Variants in ZNF804A observed in about 807,000 individuals in gnomAD.
ZNF804A encodes zinc finger protein 804A.
ZNF804A carries 2 observed loss-of-function variants against 16.5 expected under a neutral mutation model. The ratio of observed to expected loss-of-function variants is 0.12; its 90% CI spans 0.05 to 0.38. The LOEUF (loss-of-function observed/expected upper bound fraction) is 0.38, where lower values mean the gene tolerates loss of function less well. Among genes scored for constraint, ZNF804A ranks in the 10% least tolerant of loss-of-function variants. ZNF804A has a pLI of 0.99. For synonymous variants in ZNF804A, 534 were observed against 489.6 expected, an observed-to-expected ratio of 1.09 and a Z score of -1.20; for missense variants, 1,473 against 1,390.7, an observed-to-expected ratio of 1.06 and a Z score of -0.94.
chr2:184,631,447 T>C (rs1297190954), intron 1 of ZNF804A, among the ~76,000 whole-genome samples: 3 of 152,150 alleles, frequency 2.0e-5, no homozygotes, highest in Admixed American at 6.6e-5. Context: ...TTCTAGGTGA[T>C]AATACTAAAA....
intron 1 of ZNF804A, among the ~76,000 whole-genome samples, chr2:184,828,141 A>G (rs1472883263): frequency 6.6e-6 from 1 of 151,822 alleles, no homozygotes; most frequent in African/African-American, 2.4e-5. Flanking sequence ...ATTTTATACA[A>G]TATTTTATTT....
At chr2:184,743,350 T>C (rs1425019038) in intron 1 of ZNF804A, among the ~76,000 whole-genome samples, 2 of 152,078 alleles carry the variant, frequency 1.3e-5, no homozygotes, top group African/African-American at 4.8e-5. Context: ...TTGTTTCTAA[T>C]AGCAATGGTA....
At chr2:184,624,066 A>G (rs1488750497) in intron 1 of ZNF804A, among the ~76,000 whole-genome samples, 1 of 152,188 alleles carries the variant, frequency 6.6e-6, no homozygotes, top group Admixed American at 6.5e-5. Context: ...AGAATTCCTC[A>G]TAATTGATTG....
At chr2:184,812,969 G>C (rs1694923811) in intron 1 of ZNF804A, among the ~76,000 whole-genome samples, 1 of 152,048 alleles carries the variant, frequency 6.6e-6, no homozygotes, top group Non-Finnish European at 1.5e-5. Flanking sequence ...CTCATTAGTA[G>C]TGCATAACAC....
intron 1 of ZNF804A, among the ~76,000 whole-genome samples, chr2:184,840,778 A>C (rs1274023599): frequency 6.6e-6 from 1 of 152,112 alleles, no homozygotes; most frequent in Non-Finnish European, 1.5e-5. Flanking sequence ...ATTAAATTAA[A>C]TTGTTTAATA....
chr2:184,760,228 A>T (rs1193744470), intron 1 of ZNF804A, among the ~76,000 whole-genome samples: 1 of 152,164 alleles, frequency 6.6e-6, no homozygotes, highest in African/African-American at 2.4e-5. Flanking sequence ...ATTATGCCTT[A>T]TGCAAAATTG....
chr2:184,608,722 G>A (rs1164794314), intron 1 of ZNF804A, among the ~76,000 whole-genome samples: 1 of 152,126 alleles, frequency 6.6e-6, no homozygotes, highest in Non-Finnish European at 1.5e-5. Flanking sequence ...ACCATGAGAT[G>A]GATGATTGCA....
chr2:184,747,467 T>C (rs1031072666), intron 1 of ZNF804A, among the ~76,000 whole-genome samples: 1 of 151,126 alleles, frequency 6.6e-6, no homozygotes, highest in African/African-American at 2.4e-5. Flanking sequence ...TACAATGTTA[T>C]GTTTAGAGTA....
intron 2 of ZNF804A, among the ~76,000 whole-genome samples, chr2:184,926,699 C>T (rs1323623222): frequency 6.6e-6 from 1 of 151,996 alleles, no homozygotes; most frequent in South Asian, 2.1e-4. Flanking sequence ...TGTTTTTTAA[C>T]CTTTTGCTTT....
chr2:184,782,907 A>C (rs2105774627), intron 1 of ZNF804A, among the ~76,000 whole-genome samples: 1 of 150,620 alleles, frequency 6.6e-6, no homozygotes, highest in African/African-American at 2.4e-5. Context: ...TAAGATAACT[A>C]TTCCAGGAGA....
At chr2:184,636,336 GAA>G (rs756371088) in intron 1 of ZNF804A, among the ~76,000 whole-genome samples, 21 of 144,130 alleles carry the variant, frequency 1.5e-4, no homozygotes, top group Middle Eastern at 3.4e-3. Flanking sequence ...GAGAGAGAGA[GAA>G]AGAGAGAGAG....
intron 1 of ZNF804A, among the ~76,000 whole-genome samples, chr2:184,830,040 A>G (rs1294210807): frequency 1.3e-5 from 2 of 151,246 alleles, no homozygotes; most frequent in Non-Finnish European, 3.0e-5. Flanking sequence ...CCAGAAGGTC[A>G]AGGCTACATC....
chr2:184,884,076 A>T (rs888538975), intron 2 of ZNF804A, among the ~76,000 whole-genome samples: 3 of 152,132 alleles, frequency 2.0e-5, no homozygotes, highest in African/African-American at 7.2e-5. Flanking sequence ...TCTGCCCCAA[A>T]GCTCCTAGAT....
At chr2:184,710,002 T>C (rs185278146) in intron 1 of ZNF804A, among the ~76,000 whole-genome samples, 32 of 151,348 alleles carry the variant, frequency 2.1e-4, no homozygotes, top group African/African-American at 7.5e-4. Context: ...TTTGTGGGCT[T>C]CACACCAGGA....
At chr2:184,612,903 A>G (rs1256250252) in intron 1 of ZNF804A, among the ~76,000 whole-genome samples, 1 of 152,222 alleles carries the variant, frequency 6.6e-6, no homozygotes, top group Non-Finnish European at 1.5e-5. Flanking sequence ...TAAGTAAATA[A>G]TAATAATAAA....
rs537585884 is a variant in ZNF804A, at chr2:184,604,414, C to T, written c.111+5344C>T. 5.9e-5 allele frequency among the ~76,000 whole-genome samples: 9 copies of T among 151,892 alleles called. No homozygotes were observed. The South Asian group carries it at 1.7e-3, about 28-fold the overall frequency. On this transcript the variant is annotated intron_variant, in intron 1 of 3. Coordinates refer to ENST00000302277, the MANE Select transcript of ZNF804A (RefSeq NM_194250.2). ...GGTCTCGATCTCCTGACCTCATGATCCGCCAGCCTCAGCCTCCCAAATTGC... is the reference window on the plus strand; with the variant it reads ...GGTCTCGATCTCCTGACCTCATGATTCGCCAGCCTCAGCCTCCCAAATTGC...
At chr2:184,692,544 G>A (rs1038197) in intron 1 of ZNF804A, among the ~76,000 whole-genome samples, 42,229 of 152,046 alleles carry the variant, frequency 0.28, 7,053 homozygotes, top group African/African-American at 0.47. Context: ...ATTTGACTCT[G>A]GTTTTGTGGC....
chr2:184,879,953 C>G (rs1045013970), intron 2 of ZNF804A, among the ~76,000 whole-genome samples: 3 of 152,054 alleles, frequency 2.0e-5, no homozygotes, highest in Non-Finnish European at 2.9e-5. Flanking sequence ...TTGGTTTAAG[C>G]GATTTTTCAC....
At chr2:184,753,221 T>C (rs905776537) in intron 1 of ZNF804A, among the ~76,000 whole-genome samples, 3 of 151,666 alleles carry the variant, frequency 2.0e-5, no homozygotes, top group African/African-American at 7.3e-5. Context: ...AAAAATGTTT[T>C]TAAAAATTGA....
Sources: gnomAD v4.1 joint callset for allele counts (sites outside exome capture counted in the v4.1 genomes callset) on GRCh38, gnomAD v4.1.1 for gene constraint, MANE v1.5 for transcripts, NCBI Gene and HGNC (gene_info 2026-07-23, HGNC 2026-07-21) for gene names.